The following COL9A3 variants were observed in gnomAD, a reference collection of about 807,000 sequenced individuals.
The protein encoded by COL9A3 is collagen type IX alpha 3 chain, also known as collagen alpha-3(IX) chain.
In COL9A3, 82 loss-of-function variants were observed where a neutral mutation model predicts 110.2. The observed-to-expected ratio is 0.74, with a 90% confidence interval of 0.62 to 0.89. COL9A3 has a LOEUF of 0.89. COL9A3 is among the 40% of genes least tolerant of loss of function. The pLI is 0.00. For missense variants in COL9A3, 1,066 were observed against 981.3 expected (o/e 1.09, Z -1.15); for synonymous variants, 494 against 403.8 (o/e 1.22, Z -2.68).
At chr20:62,823,418 C>T (rs1010807535) in intron 10 of COL9A3, among the ~76,000 whole-genome samples, 1 of 152,226 alleles carries the variant, frequency 6.6e-6, no homozygotes, top group African/African-American at 2.4e-5. Flanking sequence ...TGGTGGCAGT[C>T]AGCGCCTTGT....
At chr20:62,825,553 G>C (rs921717711) in intron 12 of COL9A3, 1 of 575,852 alleles carries the variant, frequency 1.7e-6, no homozygotes, top group African/African-American at 1.9e-5. Flanking sequence ...GTCCCTGCTT[G>C]GCCACGAGGA....
Position 62,821,758 on chromosome 20 carries a change from G to C in COL9A3, c.371G>C (p.Gly124Ala). 1 of 1,610,388 alleles carries C rather than the reference G, an allele frequency of 6.2e-7. No individual in the cohort carries two copies. The highest frequency in any genetic ancestry group is 8.5e-7 in the Non-Finnish European group (1 of 1,178,820). The change falls in exon 8 of 32, where the codon GGA becomes GCA. Residue 124 changes from glycine (G) to alanine (A), a missense_variant and splice_region_variant. Gly to Ala is a moderately conservative substitution (Grantham distance 60). Coordinates refer to ENST00000649368, the MANE Select transcript of COL9A3 (RefSeq NM_001853.4). ...CCACCTCTCTTTACTTCCCTCCAGGGAGAGGCAGGAGTGAGCGGCCCCCCA... is the reference window on the plus strand; with the variant it reads ...CCACCTCTCTTTACTTCCCTCCAGGCAGAGGCAGGAGTGAGCGGCCCCCCA... ...LGGKGLPGPP[G>A]EAGVSGPPGG... is the part of the protein sequence containing the mutation.
At chr20:62,825,128 G>C (rs1380617989) in intron 12 of COL9A3, 107 bp downstream of exon 12, 1 of 302,748 alleles carries the variant, frequency 3.3e-6, no homozygotes, top group East Asian at 8.3e-5. Context: ...GGCTCCGGCG[G>C]GAGGGAGGGG....
chr20:62,824,169 C>A (rs56190913), intron 10 of COL9A3, among the ~76,000 whole-genome samples: 2 of 112,188 alleles, frequency 1.8e-5, no homozygotes, highest in African/African-American at 3.1e-5. Flanking sequence ...TCCTGTCACC[C>A]AGAGTGTCCC....
Position 62,827,259 on chromosome 20 carries a change from G to C in COL9A3, c.811G>C (p.Gly271Arg). 1 of 1,613,304 alleles carries C rather than the reference G, an allele frequency of 6.2e-7. No individual in the cohort carries two copies. The highest frequency in any genetic ancestry group is 8.5e-7 in the Non-Finnish European group (1 of 1,179,984). ...PGKAGDRGERGPEGFRGPKGD... is the reference protein window; with the variant it reads ...PGKAGDRGERRPEGFRGPKGD... The stretch of plus-strand genomic sequence containing the variant: ...TTTCCAGGGTGACCGAGGCGAGAGG[G>C]GCCCAGAAGGGTTCCGCGGCCCCAA... Residue 271 changes from glycine to arginine, a missense_variant, in exon 16 of 32, where the codon GGC (glycine) becomes CGC (arginine). Transcript: ENST00000649368.
At position 62,822,617 on chromosome 20, in the gene COL9A3, C is replaced by A. The variant is rs770204147; in HGVS notation, c.504C>A (p.Gly168=). The A allele has an allele frequency of 6.2e-7, 1 of 1,612,456 alleles. No homozygotes were observed. Among genetic ancestry groups the A allele is most frequent in the Non-Finnish European group, 8.5e-7 (1 of 1,179,950 alleles). Residue 168 remains glycine, a synonymous_variant, in exon 10 of 32, where the codon GGC becomes GGA. Transcript: ENST00000649368. The part of the protein sequence containing the change: ...PPGHPGVLPE[G]ATDLQCPSIC... ...GACACCCAGGAGTCCTCCCTGAAGG[C>A]GCTACTGACCTTCAGGTAGGCACTT...
At chr20:62,834,460 C>T (rs1040690886) in intron 26 of COL9A3, among the ~76,000 whole-genome samples, 13 of 148,194 alleles carry the variant, frequency 8.8e-5, no homozygotes, top group East Asian at 1.9e-4. Context: ...GAGGGAAGGA[C>T]GGCCTTTCTG....
In COL9A3 at chr20:62,836,211, C is replaced by G. The variant is rs747241280; in HGVS notation, c.1426C>G (p.Pro476Ala). 1 of 1,613,502 alleles carries G rather than the reference C, an allele frequency of 6.2e-7. No individual in the cohort carries two copies. Among genetic ancestry groups the G allele is most frequent in the East Asian group, 2.2e-5 (1 of 44,878 alleles). Residue 476 changes from proline (P) to alanine (A), a missense_variant, in exon 28 of 32, where the codon CCC (proline) becomes GCC (alanine). By Grantham distance (27) the Pro-to-Ala change is conservative. Transcript: ENST00000649368. The part of the protein sequence containing the change: ...GESGSRGELG[P>A]KGTQGPNGTS... ...GTCTGGCAGTCGAGGGGAGCTGGGCCCCAAAGGCACCCAGGGTCCCAACGG... is the reference window on the plus strand; with the variant it reads ...GTCTGGCAGTCGAGGGGAGCTGGGCGCCAAAGGCACCCAGGGTCCCAACGG...
At chr20:62,837,925 T>C (rs2063649352) in intron 30 of COL9A3, among the ~76,000 whole-genome samples, 1 of 152,196 alleles carries the variant, frequency 6.6e-6, no homozygotes, top group African/African-American at 2.4e-5. Context: ...AAGACCAGCC[T>C]GGTCAACATG....
At chr20:62,827,063 G>C (rs1416167794) in intron 15 of COL9A3, among the ~76,000 whole-genome samples, 178 bp from the exon 16 acceptor site, 1 of 152,128 alleles carries the variant, frequency 6.6e-6, no homozygotes, top group Non-Finnish European at 1.5e-5. Context: ...TCGTCCCTCT[G>C]GCACCTCCAG....
intron 25 of COL9A3, 193 bp from the exon 26 acceptor site, chr20:62,832,827 C>G: frequency 2.2e-6 from 1 of 457,394 alleles, no homozygotes; most frequent in South Asian, 2.9e-5. Context: ...GTTTTTTGGC[C>G]CCGCCCCTGC....
intron 20 of COL9A3, 23 bp downstream of exon 20, chr20:62,829,522 T>C (rs750491938): frequency 6.2e-7 from 1 of 1,606,980 alleles, no homozygotes; most frequent in African/African-American, 1.3e-5. Flanking sequence ...AGCCGCTTTC[T>C]CTCTGGGAGG....
At position 62,817,206 on chromosome 20, in the gene COL9A3, G is replaced by A. The variant is rs1990957432; in HGVS notation, c.78+64G>A. The A allele has an allele frequency of 3.7e-5, 44 of 1,183,852 alleles. 1 individual carries two copies. In the South Asian group the frequency reaches 1.1e-3, roughly 29 times the overall value. 73.3% of individuals were successfully genotyped at this position (1,183,852 alleles called of 1,614,324 possible). A position where few individuals can be genotyped will look rare whatever the true frequency, so the allele number is the denominator to read the frequency against. On this transcript the variant is annotated intron_variant, in intron 1 of 31. Coordinates refer to ENST00000649368, the MANE Select transcript of COL9A3 (RefSeq NM_001853.4). ...CCGCGACCGCCCCAGCCCCGAACCC[G>A]CCACTCCGGGGTGCCCGGCGCAGCC...
At position 62,818,389 on chromosome 20, in the gene COL9A3, G is replaced by T. The variant is rs111503504; in HGVS notation, c.148-129G>T. The T allele has an allele frequency of 7.2e-5, 64 of 890,604 alleles. 2 individuals carry two copies. Among genetic ancestry groups the T allele is most frequent in the African/African-American group, 5.4e-4 (33 of 61,180 alleles). 55.2% of individuals were successfully genotyped at this position (890,604 alleles called of 1,614,324 possible). A position where few individuals can be genotyped will look rare whatever the true frequency, so the allele number is the denominator to read the frequency against. ...TCTAGGTAGGGATCGGGGGCTCAGG[G>T]GCCCCTTTTGTCTGCTGGGGCTGGG... is the stretch of plus-strand genomic sequence containing the variant. On this transcript the variant is annotated intron_variant, in intron 2 of 31. Coordinates refer to ENST00000649368, the MANE Select transcript of COL9A3 (RefSeq NM_001853.4).
At chr20:62,831,530 A>G (rs909119) in intron 24 of COL9A3, 20,052 of 160,310 alleles carry the variant, frequency 0.13, 1,459 homozygotes, top group Non-Finnish European at 0.16. Context: ...CGGGCTGTTT[A>G]TTGGCCTCCA....
At chr20:62,832,840 G>A (rs2063607111) in intron 25 of COL9A3, 180 bp from the exon 26 acceptor site, 2 of 472,114 alleles carry the variant, frequency 4.2e-6, no homozygotes, top group Admixed American at 8.7e-5. Context: ...GCCCCTGCCT[G>A]CAGGTCTCCC....
At position 62,825,218 on chromosome 20, in the gene COL9A3, A is replaced by T. The variant is rs2063543158; in HGVS notation, c.630+197A>T. On this transcript the variant is annotated intron_variant, in intron 12 of 31. Coordinates refer to ENST00000649368, the MANE Select transcript of COL9A3 (RefSeq NM_001853.4). ...TCCGGCGGTGGGGAGGGACCGTTTC[A>T]TGGGTGCACCTGCACTGGCACCTTC... Among the ~76,000 whole-genome samples the T allele has an allele frequency of 2.0e-5, 3 of 146,694 alleles. No individual in the cohort carries two copies. The East Asian group carries it at 6.4e-4, about 31-fold the overall frequency.
At chr20:62,836,561 CG>C in intron 29 of COL9A3, 29 bp downstream of exon 29, 1 of 1,429,714 alleles carries the variant, frequency 7.0e-7, no homozygotes, top group East Asian at 2.3e-5. Flanking sequence ...CCGGCTGCAG[CG>C]GGGCCCATCC....
At chr20:62,827,193 C>T in intron 15 of COL9A3, 48 bp from the exon 16 acceptor site, 1 of 1,604,852 alleles carries the variant, frequency 6.2e-7, no homozygotes, top group Non-Finnish European at 8.5e-7. Flanking sequence ...ACTCTCCGAC[C>T]AACTCCATGG....
Sources: gnomAD v4.1 joint callset for allele counts (sites outside exome capture counted in the v4.1 genomes callset) on GRCh38, gnomAD v4.1.1 for gene constraint, MANE v1.5 for transcripts, NCBI Gene and HGNC (gene_info 2026-07-23, HGNC 2026-07-21) for gene names.